Variants in ARPP21 observed in about 807,000 individuals in gnomAD.
ARPP21 encodes cAMP regulated phosphoprotein 21, also known as cAMP-regulated phosphoprotein 21.
ARPP21 carries 69 observed loss-of-function variants against 113.2 expected under a neutral mutation model. That is an observed-to-expected ratio of 0.61 (90% confidence interval 0.50 to 0.74). ARPP21 has a LOEUF of 0.74. ARPP21 is among the 30% of genes least tolerant of loss of function. The pLI is 0.00. For synonymous variants in ARPP21, 368 were observed against 375.5 expected (o/e 0.98, Z 0.23); for missense variants, 1,070 against 1,037.4 (o/e 1.03, Z -0.43).
chr3:35,756,818 A>T (rs906256495), intron 19 of ARPP21, among the ~76,000 whole-genome samples: 4 of 152,172 alleles, frequency 2.6e-5, no homozygotes, highest in Admixed American at 2.6e-4. Context: ...GAAGGTCCAG[A>T]TTAAAACCAA....
intron 11 of ARPP21, among the ~76,000 whole-genome samples, chr3:35,710,259 G>A (rs1213289732): frequency 6.6e-6 from 1 of 152,086 alleles, no homozygotes; most frequent in Non-Finnish European, 1.5e-5. Context: ...GCAATTTTAG[G>A]AGACTCTGCA....
intron 15 of ARPP21, 101 bp from the exon 16 acceptor site, chr3:35,737,066 ACTGCCCTGCCC>A (rs2094400610): frequency 1.5e-6 from 1 of 647,074 alleles, no homozygotes; most frequent in African/African-American, 1.8e-5. Flanking sequence ...TTAGATTTCC[ACTGCCCTGCCC>A]CTTTACTTTA....
chr3:35,640,682 A>T (rs1254646537), intron 1 of ARPP21, among the ~76,000 whole-genome samples: 1 of 152,176 alleles, frequency 6.6e-6, no homozygotes, highest in Non-Finnish European at 1.5e-5. Flanking sequence ...TATAGGCTTT[A>T]TGGTAGAAAG....
At chr3:35,701,436 T>A (rs1170010024) in intron 9 of ARPP21, among the ~76,000 whole-genome samples, 3 of 151,782 alleles carry the variant, frequency 2.0e-5, no homozygotes, top group Admixed American at 1.3e-4. Flanking sequence ...TAAGTATATC[T>A]ATCTGACCTG....
At chr3:35,773,825 T>C (rs1311408627) in intron 19 of ARPP21, among the ~76,000 whole-genome samples, 1 of 152,184 alleles carries the variant, frequency 6.6e-6, no homozygotes, top group Non-Finnish European at 1.5e-5. Context: ...ATAAAACTAA[T>C]TATTGTGCTA....
intron 19 of ARPP21, among the ~76,000 whole-genome samples, chr3:35,749,477 C>T (rs1251754507): frequency 7.3e-6 from 1 of 137,396 alleles, no homozygotes; most frequent in East Asian, 2.2e-4. Context: ...TATGTGTGTT[C>T]TATGTGTGTT....
Position 35,794,245 on chromosome 3 carries a change from C to A in ARPP21, c.*287C>A, listed in dbSNP as rs924475495. 7 of 393,270 alleles carry A rather than the reference C, an allele frequency of 1.8e-5. No homozygotes were observed. The highest frequency in any genetic ancestry group is 1.4e-4 in the African/African-American group (7 of 50,178). 24.4% of individuals were successfully genotyped at this position (393,270 alleles called of 1,614,324 possible). A position where few individuals can be genotyped will look rare whatever the true frequency, so the allele number is the denominator to read the frequency against. On this transcript the variant is annotated 3_prime_UTR_variant, in exon 21 of 21. Coordinates refer to ENST00000684406, the MANE Select transcript of ARPP21 (RefSeq NM_001385562.1). ...ATACCACTGTGTAGATTATAATATC[C>A]CTAATTTGGATTAGTTTTGTACTTT... is the stretch of plus-strand genomic sequence containing the variant.
intron 15 of ARPP21, among the ~76,000 whole-genome samples, chr3:35,736,869 G>T (rs532194348): frequency 6.6e-6 from 1 of 152,204 alleles, no homozygotes; most frequent in African/African-American, 2.4e-5. Flanking sequence ...GCTTTGTGAA[G>T]ATTGCTTCTC....
rs1434296359 is a variant in ARPP21 at position 35,715,307 on chromosome 3, C to G, written c.898-132C>G. The G allele has an allele frequency of 7.1e-6, 5 of 700,362 alleles. No homozygotes were observed. The Admixed American group carries it at 1.3e-4, about 18-fold the overall frequency. The allele number at this position is 700,362 out of a possible 1,614,324, so 43.4% of individuals were successfully genotyped here. On this transcript the variant is annotated intron_variant, in intron 11 of 20. Coordinates refer to ENST00000684406, the MANE Select transcript of ARPP21 (RefSeq NM_001385562.1). ...AACCAACCTTTTTCCTTTTTTATTT[C>G]TATCTTTTGTACCTATTTTTCTTAA...
intron 20 of ARPP21, 94 bp from the exon 21 acceptor site, chr3:35,793,607 C>A: frequency 1.2e-6 from 1 of 865,640 alleles, no homozygotes; most frequent in Non-Finnish European, 1.9e-6. Context: ...AGGTCTAACT[C>A]AAAAGTTTGA....
At chr3:35,646,138 G>A (rs75893713) in intron 1 of ARPP21, among the ~76,000 whole-genome samples, 378 of 152,110 alleles carry the variant, frequency 2.5e-3, no homozygotes, top group African/African-American at 8.8e-3. Flanking sequence ...TCAATAGAGG[G>A]TGAAGGAAGA....
At chr3:35,744,250 T>G (rs2150892821) in intron 19 of ARPP21, among the ~76,000 whole-genome samples, 1 of 152,352 alleles carries the variant, frequency 6.6e-6, no homozygotes, top group Non-Finnish European at 1.5e-5. Flanking sequence ...GTCCGTACCT[T>G]TCTAGTTCAT....
chr3:35,680,380 C>T (rs920797819), intron 2 of ARPP21, among the ~76,000 whole-genome samples: 1 of 151,916 alleles, frequency 6.6e-6, no homozygotes, highest in African/African-American at 2.4e-5. Context: ...CAGACTCAAA[C>T]TACCATCCTT....
At chr3:35,690,765 T>G in intron 8 of ARPP21, 100 bp from the exon 9 acceptor site, 1 of 1,124,980 alleles carries the variant, frequency 8.9e-7, no homozygotes, top group Admixed American at 2.8e-5. Context: ...GCTTAGTGGT[T>G]TAGATGAAGA....
chr3:35,696,114 G>T (rs942135302), intron 9 of ARPP21, among the ~76,000 whole-genome samples: 1 of 151,520 alleles, frequency 6.6e-6, no homozygotes, highest in African/African-American at 2.4e-5. Context: ...AGAACATGAG[G>T]CTTGATGTGT....
At chr3:35,738,350 C>G in intron 17 of ARPP21, 32 bp downstream of exon 17, 5 of 1,477,208 alleles carry the variant, frequency 3.4e-6, no homozygotes, top group East Asian at 4.9e-5. Flanking sequence ...ACTTTTTCCC[C>G]TAGGAAAGCA....
chr3:35,794,458 T>C lies in ARPP21; in HGVS notation c.*500T>C, dbSNP rs2096799568. The C allele has an allele frequency of 6.5e-6, 1 of 153,616 alleles. No homozygotes were observed. 9.5% of individuals were successfully genotyped at this position (153,616 alleles called of 1,614,324 possible). ...TAATCAAAATAAAACTATTTGACCT[T>C]ATGGAGGAAGGTCATGTTTTTACCA... On this transcript the variant is annotated 3_prime_UTR_variant, in exon 21 of 21. Transcript: ENST00000684406.
chr3:35,744,909 A>C (rs974537073), intron 19 of ARPP21, among the ~76,000 whole-genome samples: 29 of 152,196 alleles, frequency 1.9e-4, no homozygotes, highest in African/African-American at 7.0e-4. Flanking sequence ...AAGGATTAGC[A>C]CCAATCACAG....
At chr3:35,745,364 A>G (rs1440459052) in intron 19 of ARPP21, among the ~76,000 whole-genome samples, 3 of 152,218 alleles carry the variant, frequency 2.0e-5, no homozygotes, top group African/African-American at 7.2e-5. Flanking sequence ...GGGTTAATTT[A>G]CAATCTTGAG....
Sources: allele counts gnomAD v4.1 joint callset (sites outside exome capture counted in the v4.1 genomes callset), GRCh38; gene constraint gnomAD v4.1.1; transcripts MANE v1.5; gene names NCBI Gene and HGNC (gene_info 2026-07-23, HGNC 2026-07-21).